RASGEF1A: variants seen among roughly 807,000 people sequenced by gnomAD.
The protein encoded by RASGEF1A is ras-GEF domain-containing family member 1A.
Under a neutral mutation model 56.4 loss-of-function variants are expected in RASGEF1A, and 18 were observed. That is an observed-to-expected ratio of 0.32 (90% CI 0.22 to 0.47). The LOEUF is 0.47. Among genes scored for constraint, RASGEF1A ranks in the 20% least tolerant of loss-of-function variants. The pLI is 1.00. For synonymous variants in RASGEF1A, 245 were observed against 242.6 expected (o/e 1.01, Z -0.09); for missense variants, 422 against 627.1 (o/e 0.67, Z 3.49).
At chr10:43,203,767 G>C (rs1477262742) in intron 2 of RASGEF1A, 7 of 1,052,800 alleles carry the variant, frequency 6.6e-6, no homozygotes, top group Non-Finnish European at 8.0e-6. Context: ...CGCTGCGCCA[G>C]GATGCAAGCC....
chr10:43,206,683 C>A, intron 1 of RASGEF1A: 2 of 987,178 alleles, frequency 2.0e-6, no homozygotes, highest in Non-Finnish European at 2.4e-6. Context: ...GTCTGACTTA[C>A]GGTGGCTGCC....
At chr10:43,241,265 G>C (rs1427873657) in intron 1 of RASGEF1A, among the ~76,000 whole-genome samples, 1 of 152,100 alleles carries the variant, frequency 6.6e-6, no homozygotes, top group Non-Finnish European at 1.5e-5. Flanking sequence ...AAGACAACTG[G>C]TCTATGACCA....
chr10:43,252,563 G>A (rs1466260059), intron 1 of RASGEF1A, among the ~76,000 whole-genome samples: 1 of 152,184 alleles, frequency 6.6e-6, no homozygotes, highest in African/African-American at 2.4e-5. Flanking sequence ...TGCCTGGCCA[G>A]GCCCTTGACT....
chr10:43,234,010 C>T (rs1415196300), intron 1 of RASGEF1A, among the ~76,000 whole-genome samples: 4 of 152,138 alleles, frequency 2.6e-5, no homozygotes, highest in Non-Finnish European at 5.9e-5. Context: ...AGGTTGGCCC[C>T]ACGTGGAGCC....
Position 43,201,826 on chromosome 10 carries a change from A to G in RASGEF1A, c.441T>C (p.Arg147=). ...AMAELKAITH[R]VTQCDEENGT... ...CACTCACCTCATCACACTGGGTGAC[A>G]CGGTGTGTGATGGCTTTCAGCTCGG... Residue 147 remains arginine (R), a synonymous_variant, in exon 4 of 13, where the codon CGT becomes CGC. Transcript: ENST00000395810. The G allele has an allele frequency of 6.2e-7, 1 of 1,607,960 alleles. No homozygotes were observed.
chr10:43,235,740 G>A (rs1840423195), intron 1 of RASGEF1A, among the ~76,000 whole-genome samples: 1 of 152,186 alleles, frequency 6.6e-6, no homozygotes, highest in African/African-American at 2.4e-5. Flanking sequence ...CACATGCACA[G>A]GGGACAGTGG....
chr10:43,198,066 C>T lies in RASGEF1A; in HGVS notation c.1162G>A (p.Asp388Asn), dbSNP rs1839828480. The change falls in exon 10 of 13, where the codon GAC becomes AAC. Residue 388 changes from aspartate (D) to asparagine (N), a missense_variant. Asp to Asn is a conservative substitution (Grantham distance 23). This residue lies in a region of RASGEF1A where 149 missense variants were observed against 287.2 expected (regional missense o/e 0.52). Transcript: ENST00000395810. ...VIPVFNLFVK[D>N]IYFLHKIHTN... ...TGGATTTTGTGCAGGAAGTAGATGT[C>T]CTTAACGAAGAGGTTGAACACAGGG... is the stretch of plus-strand genomic sequence containing the variant. 6.2e-7 allele frequency: 1 copy of T among 1,614,036 alleles called. No individual in the cohort carries two copies. Among genetic ancestry groups the T allele is most frequent in the African/African-American group, 1.3e-5 (1 of 74,926 alleles).
chr10:43,206,780 G>C (rs1840002431), intron 1 of RASGEF1A: 2 of 986,112 alleles, frequency 2.0e-6, no homozygotes, highest in African/African-American at 1.7e-5. Flanking sequence ...ACTCCACATG[G>C]TGAAGGTCTT....
At chr10:43,198,340 CGCCCAAGGGT>C in intron 9 of RASGEF1A, 145 bp from the exon 10 acceptor site, 1 of 658,482 alleles carries the variant, frequency 1.5e-6, no homozygotes, top group South Asian at 2.4e-5. Flanking sequence ...GGGGAGGGGA[CGCCCAAGGGT>C]GCCTGGCTGA....
At chr10:43,241,818 T>C (rs1005958783) in intron 1 of RASGEF1A, among the ~76,000 whole-genome samples, 1 of 151,818 alleles carries the variant, frequency 6.6e-6, no homozygotes, top group African/African-American at 2.4e-5. Flanking sequence ...AGACCCACTT[T>C]AGAGAGAAGA....
intron 1 of RASGEF1A, among the ~76,000 whole-genome samples, chr10:43,241,978 A>C (rs184557011): frequency 4.3e-4 from 65 of 152,280 alleles, no homozygotes; most frequent in African/African-American, 1.5e-3. Context: ...TCTACTAAAA[A>C]TACAAAAAAA....
intron 1 of RASGEF1A, among the ~76,000 whole-genome samples, chr10:43,237,312 G>A (rs1039515405): frequency 6.6e-6 from 1 of 151,824 alleles, no homozygotes; most frequent in Non-Finnish European, 1.5e-5. Flanking sequence ...ACTCCTCCCC[G>A]ACCCCGGAGG....
intron 1 of RASGEF1A, among the ~76,000 whole-genome samples, chr10:43,237,396 T>A (rs1000501814): frequency 1.1e-4 from 17 of 151,694 alleles, no homozygotes; most frequent in Middle Eastern, 3.4e-3. Flanking sequence ...GCCCCGGAGC[T>A]GATCCCTGAC....
intron 1 of RASGEF1A, among the ~76,000 whole-genome samples, chr10:43,233,938 C>A (rs1255489770): frequency 6.6e-6 from 1 of 152,196 alleles, no homozygotes; most frequent in Non-Finnish European, 1.5e-5. Flanking sequence ...CCGAGGATAA[C>A]CCACCCAGAC....
At chr10:43,228,916 C>A (rs900415585) in intron 1 of RASGEF1A, among the ~76,000 whole-genome samples, 3 of 152,248 alleles carry the variant, frequency 2.0e-5, no homozygotes, top group East Asian at 1.9e-4. Flanking sequence ...GCATCTTTCA[C>A]GTGGCCAGGG....
chr10:43,224,046 G>A (rs1840242664), intron 1 of RASGEF1A, among the ~76,000 whole-genome samples: 1 of 152,050 alleles, frequency 6.6e-6, no homozygotes, highest in South Asian at 2.1e-4. Flanking sequence ...CAAAAATAGA[G>A]TAAAACTGTT....
chr10:43,225,903 G>T (rs145395129), intron 1 of RASGEF1A, among the ~76,000 whole-genome samples: 1 of 152,258 alleles, frequency 6.6e-6, no homozygotes, highest in South Asian at 2.1e-4. Flanking sequence ...GGAGGGCGGC[G>T]CTCTGACGCA....
At chr10:43,203,806 A>G in intron 2 of RASGEF1A, 2 of 1,016,246 alleles carry the variant, frequency 2.0e-6, no homozygotes, top group South Asian at 7.1e-5. Flanking sequence ...TCGTGGGCCG[A>G]GCTGGAGGTC....
At chr10:43,259,099 C>T (rs187941177) in intron 1 of RASGEF1A, among the ~76,000 whole-genome samples, 1 of 152,330 alleles carries the variant, frequency 6.6e-6, no homozygotes, top group African/African-American at 2.4e-5. Context: ...GCTCCTCATG[C>T]CAGCACAACA....
Sources: gnomAD v4.1 joint callset for allele counts (sites outside exome capture counted in the v4.1 genomes callset) on GRCh38, gnomAD v4.1.1 for gene constraint, gnomAD v4.1.1 regional missense constraint, MANE v1.5 for transcripts, NCBI Gene and HGNC (gene_info 2026-07-23, HGNC 2026-07-21) for gene names.